Variants in JAKMIP2 observed in about 807,000 individuals in gnomAD.
JAKMIP2 encodes janus kinase and microtubule-interacting protein 2.
JAKMIP2 carries 25 observed loss-of-function variants against 115.0 expected under a neutral mutation model. That is an observed-to-expected ratio of 0.22 (90% CI 0.16 to 0.30). JAKMIP2 has a LOEUF of 0.30. JAKMIP2 is among the 10% of genes least tolerant of loss of function. JAKMIP2 has a pLI of 1.00. For synonymous variants in JAKMIP2, 334 were observed against 343.6 expected (o/e 0.97, Z 0.31); for missense variants, 642 against 957.6 (o/e 0.67, Z 4.35).
intron 1 of JAKMIP2, among the ~76,000 whole-genome samples, chr5:147,773,385 A>G (rs1755437756): frequency 6.6e-6 from 1 of 152,138 alleles, no homozygotes; most frequent in Non-Finnish European, 1.5e-5. Context: ...ATTACAGTTG[A>G]CTACACGGCC....
intron 1 of JAKMIP2, among the ~76,000 whole-genome samples, chr5:147,688,972 T>C (rs767975477): frequency 6.6e-6 from 1 of 152,184 alleles, no homozygotes; most frequent in African/African-American, 2.4e-5. Context: ...ATTATAATAA[T>C]AATGTGTTAT....
At chr5:147,756,903 G>A (rs1754763851) in intron 1 of JAKMIP2, among the ~76,000 whole-genome samples, 1 of 152,162 alleles carries the variant, frequency 6.6e-6, no homozygotes, top group African/African-American at 2.4e-5. Context: ...TCTGTGTTCT[G>A]TAAACTGTGC....
At chr5:147,639,869 T>C in intron 9 of JAKMIP2, 109 bp from the exon 10 acceptor site, 2 of 1,296,744 alleles carry the variant, frequency 1.5e-6, no homozygotes, top group Non-Finnish European at 2.1e-6. Context: ...AAAGGTTGTT[T>C]AACAGTCTAT....
chr5:147,593,497 G>C (rs988413780), intron 21 of JAKMIP2, among the ~76,000 whole-genome samples: 1 of 152,208 alleles, frequency 6.6e-6, no homozygotes, highest in Admixed American at 6.5e-5. Context: ...GCCTTGAAGA[G>C]GAAGAGAAGA....
At position 147,682,050 on chromosome 5, in the gene JAKMIP2, A is replaced by AAAAAAAAG. The variant is rs71001451; in HGVS notation, c.-148-10097_-148-10096insCTTTTTTT. On this transcript the variant is annotated intron_variant, in intron 1 of 21. Transcript: ENST00000616793. ...ATGAAACTCTGTTTCAAAAAAAAAA[A>AAAAAAAAG]AAAGAAAGAAAAATAAAAGTGACAT... 1.3e-3 allele frequency among the ~76,000 whole-genome samples: 200 copies of AAAAAAAAG among 148,990 alleles called. 3 individuals carry two copies. Among genetic ancestry groups the AAAAAAAAG allele is most frequent in the African/African-American group, 4.9e-3 (194 of 39,868 alleles).
In JAKMIP2 at chr5:147,604,531, C is replaced by A. The variant is rs79224701; in HGVS notation, c.2413-2720G>T. On this transcript the variant is annotated intron_variant, in intron 20 of 21. Transcript: ENST00000616793. ...CTGGTGGTCTAGCTACTTGAGCCCA[C>A]CAACTCCCTTTAACCTCACATATAT... 6.2e-3 allele frequency among the ~76,000 whole-genome samples: 944 copies of A among 152,198 alleles called. 52 individuals are homozygous for A. The East Asian group carries it at 0.13, about 21-fold the overall frequency.
chr5:147,615,772 G>A (rs1167989250), intron 19 of JAKMIP2, among the ~76,000 whole-genome samples: 2 of 151,316 alleles, frequency 1.3e-5, no homozygotes, highest in South Asian at 2.1e-4. Context: ...CAGGGTCCAC[G>A]GTGAATTCTC....
intron 7 of JAKMIP2, among the ~76,000 whole-genome samples, chr5:147,643,027 A>G (rs1241459372): frequency 2.0e-5 from 3 of 151,922 alleles, no homozygotes; most frequent in Non-Finnish European, 4.4e-5. Flanking sequence ...CAGCTTTGGG[A>G]CTTGGACTGG....
chr5:147,759,216 T>C (rs1204580785), intron 1 of JAKMIP2, among the ~76,000 whole-genome samples: 1 of 149,048 alleles, frequency 6.7e-6, no homozygotes, highest in Non-Finnish European at 1.5e-5. Context: ...CAGGTAGAAG[T>C]TGGAAAACAG....
chr5:147,659,023 C>T (rs949719732), intron 3 of JAKMIP2, among the ~76,000 whole-genome samples: 4 of 151,828 alleles, frequency 2.6e-5, no homozygotes, highest in African/African-American at 9.7e-5. Flanking sequence ...GGATCCCTGG[C>T]TTCAGCCCCC....
intron 1 of JAKMIP2, among the ~76,000 whole-genome samples, chr5:147,702,581 AAAG>A (rs1182108300): frequency 2.5e-5 from 3 of 118,632 alleles, no homozygotes; most frequent in Non-Finnish European, 5.1e-5. Context: ...AGAAAGAAGG[AAAG>A]AAAGAAAGAA....
At chr5:147,647,180 T>C (rs1758174726) in intron 5 of JAKMIP2, among the ~76,000 whole-genome samples, 1 of 151,908 alleles carries the variant, frequency 6.6e-6, no homozygotes, top group Admixed American at 6.6e-5. Context: ...AAGGTAGAAA[T>C]TGATACCAGA....
chr5:147,782,596 G>C lies in JAKMIP2; in HGVS notation c.-289C>G, dbSNP rs553772129. 9.3e-6 allele frequency: 8 copies of C among 864,394 alleles called. No individual in the cohort carries two copies. The highest frequency in any genetic ancestry group is 1.1e-5 in the Non-Finnish European group (6 of 535,432). The allele number at this position is 864,394 out of a possible 1,614,324, so 53.5% of individuals were successfully genotyped here. On this transcript the variant is annotated 5_prime_UTR_variant, in exon 1 of 22. Coordinates refer to ENST00000616793, the MANE Select transcript of JAKMIP2 (RefSeq NM_001270941.2). ...TTTTTTTTTCCCTCTGTCTCTGGTT[G>C]GCGATGGTGCGAATAGGAACCACCC...
At position 147,600,440 on chromosome 5, in the gene JAKMIP2, A is replaced by G. The variant is rs115219139; in HGVS notation, c.*20+1301T>C. Among the ~76,000 whole-genome samples the G allele has an allele frequency of 5.8e-3, 876 of 152,246 alleles. 14 individuals carry two copies. Among genetic ancestry groups the G allele is most frequent in the African/African-American group, 0.02 (835 of 41,532 alleles). On this transcript the variant is annotated intron_variant, in intron 21 of 21. Transcript: ENST00000616793. Reference sequence around the variant, plus strand: ...TATCCAGGTAACAGATCTCATACCTATGGAGGGAGAAAGTGCCTCTCTTCT... The same window carrying G: ...TATCCAGGTAACAGATCTCATACCTGTGGAGGGAGAAAGTGCCTCTCTTCT...
In JAKMIP2 at chr5:147,654,880, T is replaced by C. The variant is rs979007187; in HGVS notation, c.628-4333A>G. ...AAATAACTCTTATTATTTTGAGGTT[T>C]GTTCCACCAATACTGAGAATTTTTA... is the stretch of plus-strand genomic sequence containing the variant. On this transcript the variant is annotated intron_variant, in intron 3 of 21. Transcript: ENST00000616793. Among the ~76,000 whole-genome samples, 6 of 151,972 alleles carry C rather than the reference T, an allele frequency of 3.9e-5. 1 individual carries two copies. The highest frequency in any genetic ancestry group is 3.9e-4 in the Admixed American group (6 of 15,240).
At chr5:147,723,920 G>T (rs896146358) in intron 1 of JAKMIP2, among the ~76,000 whole-genome samples, 2 of 152,088 alleles carry the variant, frequency 1.3e-5, no homozygotes, top group Admixed American at 6.5e-5. Context: ...GTGGTGAAAT[G>T]ACCTAATAAT....
chr5:147,638,893 A>C (rs1757747657), intron 10 of JAKMIP2, among the ~76,000 whole-genome samples: 2 of 152,172 alleles, frequency 1.3e-5, no homozygotes, highest in Admixed American at 1.3e-4. Flanking sequence ...AATCATATCT[A>C]GCTCCTAGGG....
chr5:147,724,049 G>C (rs1753420625), intron 1 of JAKMIP2, among the ~76,000 whole-genome samples: 1 of 152,162 alleles, frequency 6.6e-6, no homozygotes, highest in South Asian at 2.1e-4. Flanking sequence ...AGACACTTCA[G>C]TGAGGACTTA....
intron 1 of JAKMIP2, among the ~76,000 whole-genome samples, chr5:147,706,802 A>G (rs1329409212): frequency 6.6e-6 from 1 of 152,142 alleles, no homozygotes; most frequent in African/African-American, 2.4e-5. Context: ...AAAATCTGAA[A>G]AAAATCTACA....
Sources: gnomAD v4.1 joint callset for allele counts (sites outside exome capture counted in the v4.1 genomes callset) on GRCh38, gnomAD v4.1.1 for gene constraint, MANE v1.5 for transcripts, NCBI Gene and HGNC (gene_info 2026-07-23, HGNC 2026-07-21) for gene names.